Variants in SNTG2 observed in about 807,000 individuals in gnomAD.
SNTG2 encodes gamma-2-syntrophin.
Under a neutral mutation model 70.9 loss-of-function variants are expected in SNTG2, and 74 were observed. That is an observed-to-expected ratio of 1.04 (90% confidence interval 0.86 to 1.27). SNTG2 has a LOEUF of 1.27. Ranked by LOEUF, SNTG2 falls within the 50% of genes most tolerant of loss-of-function variation. The pLI is 0.00. For missense variants in SNTG2, 717 were observed against 690.7 expected, an observed-to-expected ratio of 1.04 and a Z score of -0.43; for synonymous variants, 278 against 273.8, an observed-to-expected ratio of 1.02 and a Z score of -0.15.
chr2:1,126,783 A>G (rs1284574013), intron 4 of SNTG2, among the ~76,000 whole-genome samples: 5 of 152,154 alleles, frequency 3.3e-5, no homozygotes, highest in East Asian at 1.9e-4. Context: ...AGAAATGTCT[A>G]TTCAGCTGAT....
At chr2:1,208,929 C>G (rs4971415) in intron 8 of SNTG2, among the ~76,000 whole-genome samples, 174 bp from the exon 9 acceptor site, 48,506 of 151,788 alleles carry the variant, frequency 0.32, 8,264 homozygotes, top group East Asian at 0.66. Flanking sequence ...GTCTTAAATC[C>G]GGGTAGAAGA....
intron 1 of SNTG2, among the ~76,000 whole-genome samples, chr2:1,052,252 A>G (rs1159888116): frequency 5.3e-5 from 8 of 152,158 alleles, no homozygotes; most frequent in African/African-American, 1.9e-4. Context: ...CCCAGAGCTT[A>G]CTTTGTGAAA....
At chr2:1,102,492 T>C (rs1285626994) in intron 4 of SNTG2, 1 of 152,230 alleles carries the variant, frequency 6.6e-6, no homozygotes, top group Non-Finnish European at 1.5e-5. Flanking sequence ...GGGCTGCGTG[T>C]CTGAGAGGAA....
chr2:1,080,000 A>G (rs954861094), intron 1 of SNTG2, among the ~76,000 whole-genome samples: 6 of 152,174 alleles, frequency 3.9e-5, no homozygotes, highest in African/African-American at 1.4e-4. Flanking sequence ...CGCATCTGCC[A>G]CTTGGGGTCT....
chr2:990,453 C>T (rs866951863), intron 1 of SNTG2, among the ~76,000 whole-genome samples: 2 of 152,156 alleles, frequency 1.3e-5, no homozygotes. Context: ...TCACAGATGG[C>T]CCTTTCTCAC....
At chr2:1,185,021 G>C (rs1672161081) in intron 8 of SNTG2, among the ~76,000 whole-genome samples, 3 of 152,190 alleles carry the variant, frequency 2.0e-5, no homozygotes, top group Admixed American at 2.0e-4. Flanking sequence ...GATACAATGG[G>C]TATACAGGCA....
At chr2:983,220 C>CTGCAGAGGTGGAGGTTGGGATGAAGAAGT (rs796244405) in intron 1 of SNTG2, among the ~76,000 whole-genome samples, 43 of 83,992 alleles carry the variant, frequency 5.1e-4, no homozygotes, top group African/African-American at 1.2e-3. Flanking sequence ...GATGCAGAAG[C>CTGCAGAGGTGGAGGTTGGGATGAAGAAGT]TGCAGAGGTG....
intron 6 of SNTG2, among the ~76,000 whole-genome samples, chr2:1,150,931 C>T (rs1669442635): frequency 6.6e-6 from 1 of 152,048 alleles, no homozygotes; most frequent in South Asian, 2.1e-4. Flanking sequence ...CGAGCTCCAA[C>T]CCCACAGAGC....
chr2:1,265,573 A>G (rs942725354), intron 13 of SNTG2, among the ~76,000 whole-genome samples: 8 of 152,228 alleles, frequency 5.3e-5, no homozygotes, highest in African/African-American at 1.9e-4. Flanking sequence ...CCCCCCGGAG[A>G]GTCCAGAAGG....
At chr2:1,083,153 T>G (rs73170883) in intron 1 of SNTG2, among the ~76,000 whole-genome samples, 61 of 129,796 alleles carry the variant, frequency 4.7e-4, no homozygotes, top group African/African-American at 1.6e-3. Context: ...ACTATCATTT[T>G]TATTCAAATA....
intron 1 of SNTG2, among the ~76,000 whole-genome samples, chr2:1,067,768 A>G (rs1663252975): frequency 6.6e-6 from 1 of 152,214 alleles, no homozygotes. Flanking sequence ...GGAGAAACCA[A>G]GGCTGAGGAA....
chr2:1,337,372 G>T (rs1031814667), intron 16 of SNTG2, among the ~76,000 whole-genome samples: 1 of 152,118 alleles, frequency 6.6e-6, no homozygotes, highest in Admixed American at 6.5e-5. Flanking sequence ...TCCTAGGAGA[G>T]TACTGGCCAT....
At chr2:1,116,326 C>G (rs1666963051) in intron 4 of SNTG2, among the ~76,000 whole-genome samples, 3 of 152,216 alleles carry the variant, frequency 2.0e-5, no homozygotes, top group Admixed American at 2.0e-4. Flanking sequence ...GAAACAGAAG[C>G]TGCCAGGGAA....
At chr2:1,154,352 C>T (rs1264123292) in intron 6 of SNTG2, among the ~76,000 whole-genome samples, 5 of 152,222 alleles carry the variant, frequency 3.3e-5, no homozygotes, top group African/African-American at 9.6e-5. Context: ...TTAAGGCGAG[C>T]GGGATGGGAC....
At chr2:989,586 G>A (rs1374022697) in intron 1 of SNTG2, among the ~76,000 whole-genome samples, 8 of 152,176 alleles carry the variant, frequency 5.3e-5, no homozygotes, top group African/African-American at 1.9e-4. Flanking sequence ...TTAATCCACT[G>A]CTGAAAATTA....
At chr2:999,313 A>G (rs1349062953) in intron 1 of SNTG2, among the ~76,000 whole-genome samples, 1 of 152,116 alleles carries the variant, frequency 6.6e-6, no homozygotes, top group African/African-American at 2.4e-5. Context: ...ACATAAATGG[A>G]TGACATGTTT....
chr2:1,138,302 T>TG (rs957043580), intron 6 of SNTG2, among the ~76,000 whole-genome samples: 2 of 152,160 alleles, frequency 1.3e-5, no homozygotes, highest in African/African-American at 4.8e-5. Flanking sequence ...TCACATAAGA[T>TG]GGTGGGGGTC....
intron 14 of SNTG2, among the ~76,000 whole-genome samples, chr2:1,279,610 G>GA (rs1679433616): frequency 6.6e-6 from 1 of 152,192 alleles, no homozygotes; most frequent in South Asian, 2.1e-4. Context: ...TTTGTAACCA[G>GA]AAAAGTTTTC....
chr2:1,296,552 C>A (rs1224633436), intron 14 of SNTG2, among the ~76,000 whole-genome samples: 2 of 152,252 alleles, frequency 1.3e-5, no homozygotes, highest in African/African-American at 4.8e-5. Context: ...CAGTCCCCCA[C>A]AGAGATAGAG....
Sources: gnomAD v4.1 joint callset for allele counts (sites outside exome capture counted in the v4.1 genomes callset) on GRCh38, gnomAD v4.1.1 for gene constraint, MANE v1.5 for transcripts, NCBI Gene and HGNC (gene_info 2026-07-23, HGNC 2026-07-21) for gene names.